Variants in MALRD1 observed in about 807,000 individuals in gnomAD.
MALRD1 encodes MAM and LDL-receptor class A domain-containing protein 1.
MALRD1 carries 247 observed loss-of-function variants against 242.1 expected under a neutral mutation model. The ratio of observed to expected loss-of-function variants is 1.02; its 90% CI spans 0.92 to 1.13. The LOEUF is 1.13. Among genes scored for constraint, MALRD1 ranks in the 50% most tolerant of loss-of-function variants. MALRD1 has a pLI of 0.00. For synonymous variants in MALRD1, 995 were observed against 866.6 expected, an observed-to-expected ratio of 1.15 and a Z score of -2.60; for missense variants, 2,989 against 2,533.1, an observed-to-expected ratio of 1.18 and a Z score of -3.86.
intron 13 of MALRD1, 137 bp from the exon 14 acceptor site, chr10:19,175,071 C>A: frequency 1.9e-6 from 1 of 515,948 alleles, no homozygotes; most frequent in Non-Finnish European, 2.9e-6. Context: ...TTAGGATGTT[C>A]TGGTCAGAAC....
chr10:19,509,506 A>G (rs1833298530), intron 31 of MALRD1, among the ~76,000 whole-genome samples: 1 of 152,190 alleles, frequency 6.6e-6, no homozygotes, highest in Non-Finnish European at 1.5e-5. Flanking sequence ...TTACTTTGAC[A>G]ATTCCCTTTT....
intron 5 of MALRD1, among the ~76,000 whole-genome samples, chr10:19,104,686 A>G (rs1449408738): frequency 3.9e-5 from 6 of 152,088 alleles, no homozygotes; most frequent in Non-Finnish European, 5.9e-5. Flanking sequence ...CATATATTTC[A>G]GGGTTTTAAG....
chr10:19,361,813 T>G (rs1181168462), intron 26 of MALRD1, among the ~76,000 whole-genome samples: 1 of 152,114 alleles, frequency 6.6e-6, no homozygotes, highest in African/African-American at 2.4e-5. Context: ...ATATTTATGG[T>G]GATTTAGATC....
intron 19 of MALRD1, among the ~76,000 whole-genome samples, chr10:19,262,051 G>T (rs1239591787): frequency 6.6e-6 from 1 of 151,832 alleles, no homozygotes; most frequent in Admixed American, 6.6e-5. Context: ...TTTTTACTTT[G>T]TCTTAAAATG....
At chr10:19,547,799 TA>T (rs1835279924) in intron 32 of MALRD1, among the ~76,000 whole-genome samples, 26 of 13,654 alleles carry the variant, frequency 1.9e-3, no homozygotes, top group African/African-American at 5.5e-3. Context: ...TATATATATA[TA>T]TATATATATA....
chr10:19,439,637 T>C (rs1334328115), intron 28 of MALRD1, among the ~76,000 whole-genome samples: 1 of 152,200 alleles, frequency 6.6e-6, no homozygotes, highest in Non-Finnish European at 1.5e-5. Flanking sequence ...GTACATTAGC[T>C]ATACAACTAT....
At chr10:19,681,704 G>A (rs539362062) in intron 36 of MALRD1, among the ~76,000 whole-genome samples, 144 of 152,242 alleles carry the variant, frequency 9.5e-4, no homozygotes, top group African/African-American at 3.1e-3. Context: ...GCCCTTGCTA[G>A]AGAGGTGTTG....
chr10:19,663,643 A>G (rs1841542758), intron 36 of MALRD1, among the ~76,000 whole-genome samples: 1 of 152,150 alleles, frequency 6.6e-6, no homozygotes, highest in African/African-American at 2.4e-5. Flanking sequence ...AGCAGAACCC[A>G]GGTTGCATGA....
Position 19,088,080 on chromosome 10 carries a change from A to G in MALRD1, c.492A>G (p.Gln164=), listed in dbSNP as rs1017445440. Reference sequence around the variant, plus strand: ...GTGGCAAATTAATGGTTGGGCTTCAAACTGCATGTGGAGGTCCTATTCAGC... The same window carrying G: ...GTGGCAAATTAATGGTTGGGCTTCAGACTGCATGTGGAGGTCCTATTCAGC... ...QVSGKLMVGL[Q]TACGGPIQHL... The change falls in exon 4 of 40, where the codon CAA becomes CAG. Residue 164 remains glutamine, a synonymous_variant. Coordinates refer to ENST00000454679, the MANE Select transcript of MALRD1 (RefSeq NM_001142308.3). 5.7e-6 allele frequency: 7 copies of G among 1,233,484 alleles called. No individual in the cohort carries two copies. Among genetic ancestry groups the G allele is most frequent in the South Asian group, 8.2e-5 (2 of 24,418 alleles). 76.4% of individuals were successfully genotyped at this position (1,233,484 alleles called of 1,614,324 possible).
intron 24 of MALRD1, among the ~76,000 whole-genome samples, chr10:19,339,985 ACTT>A (rs1236711207): frequency 1.3e-5 from 2 of 152,078 alleles, no homozygotes; most frequent in African/African-American, 4.8e-5. Context: ...TGAGTGCCAT[ACTT>A]TTAAACCATC....
At chr10:19,323,698 TC>T (rs1477366571) in intron 21 of MALRD1, among the ~76,000 whole-genome samples, 2 of 152,152 alleles carry the variant, frequency 1.3e-5, no homozygotes, top group Non-Finnish European at 2.9e-5. Context: ...AACCTGCACT[TC>T]CTGGGTTCAA....
chr10:19,423,538 G>C (rs1356759687), intron 28 of MALRD1, among the ~76,000 whole-genome samples: 3 of 152,012 alleles, frequency 2.0e-5, no homozygotes, highest in Non-Finnish European at 4.4e-5. Flanking sequence ...ATTAAGCCGT[G>C]AGTCACTCTG....
chr10:19,088,230 G>T (rs1333426644), intron 4 of MALRD1, 45 bp downstream of exon 4: 4 of 1,226,714 alleles, frequency 3.3e-6, no homozygotes, highest in Admixed American at 4.2e-5. Context: ...AGAAAAATAA[G>T]ATACAGATCT....
intron 5 of MALRD1, among the ~76,000 whole-genome samples, chr10:19,118,398 G>A (rs892983089): frequency 6.6e-6 from 1 of 152,156 alleles, no homozygotes; most frequent in Non-Finnish European, 1.5e-5. Context: ...AATGCAAGAT[G>A]TACATTGGTT....
intron 32 of MALRD1, 44 bp downstream of exon 32, chr10:19,531,395 G>C: frequency 1.4e-6 from 2 of 1,462,808 alleles, no homozygotes; most frequent in Non-Finnish European, 1.8e-6. Context: ...AAATATGCAT[G>C]ACATGTTTAA....
chr10:19,692,470 T>C lies in MALRD1; in HGVS notation c.6230T>C (p.Leu2077Pro). Reference sequence around the variant, plus strand: ...TTTAAAATTCCAGATACATGGACTCTCCTGGGTATTGGATTAGCATTCCTG... The same window carrying C: ...TTTAAAATTCCAGATACATGGACTCCCCTGGGTATTGGATTAGCATTCCTG... ...FTYAQNNTWT[L>P]LGIGLAFLMT... is the part of the protein sequence containing the mutation. The change falls in exon 38 of 40, where the codon CTC becomes CCC. Residue 2077 changes from leucine (L) to proline (P), a missense_variant. Coordinates refer to ENST00000454679, the MANE Select transcript of MALRD1 (RefSeq NM_001142308.3). The C allele has an allele frequency of 6.5e-7, 1 of 1,535,824 alleles. No homozygotes were observed. The highest frequency in any genetic ancestry group is 8.7e-7 in the Non-Finnish European group (1 of 1,146,508).
chr10:19,466,987 G>A (rs1472162471), intron 29 of MALRD1, among the ~76,000 whole-genome samples: 3 of 151,950 alleles, frequency 2.0e-5, no homozygotes, highest in East Asian at 1.9e-4. Flanking sequence ...CATGCCTGGC[G>A]TCTGTCTCTC....
At position 19,166,368 on chromosome 10, in the gene MALRD1, TA is replaced by T. The variant is rs1182680376; in HGVS notation, c.1830+563del. On this transcript the variant is annotated intron_variant, in intron 13 of 39. Coordinates refer to ENST00000454679, the MANE Select transcript of MALRD1 (RefSeq NM_001142308.3). ...CAGGTTCTCACTCATGTGTGGGAACTAAAAAGTTGATCTCATGGAGGTAGAG... is the reference window on the plus strand; with the variant it reads ...CAGGTTCTCACTCATGTGTGGGAACTAAAAGTTGATCTCATGGAGGTAGAG... Among the ~76,000 whole-genome samples the T allele has an allele frequency of 2.0e-5, 3 of 152,220 alleles. No homozygotes were observed. In the East Asian group the frequency reaches 5.8e-4, roughly 29 times the overall value.
chr10:19,663,139 C>CACGGTAAAG (rs1841522458), intron 36 of MALRD1, among the ~76,000 whole-genome samples: 1 of 152,082 alleles, frequency 6.6e-6, no homozygotes, highest in Non-Finnish European at 1.5e-5. Context: ...ATGGACATTG[C>CACGGTAAAG]ACCCAATTGG....
Sources: allele counts gnomAD v4.1 joint callset (sites outside exome capture counted in the v4.1 genomes callset), GRCh38; gene constraint gnomAD v4.1.1; transcripts MANE v1.5; gene names NCBI Gene and HGNC (gene_info 2026-07-23, HGNC 2026-07-21).